Variants in GPC5 observed in about 807,000 individuals in gnomAD.
The protein encoded by GPC5 is glypican 5.
Under a neutral mutation model 53.9 loss-of-function variants are expected in GPC5, and 47 were observed. That is an observed-to-expected ratio of 0.87 (90% CI 0.69 to 1.11). The LOEUF (loss-of-function observed/expected upper bound fraction) is 1.11. Ranked by LOEUF, GPC5 falls within the 50% of genes most tolerant of loss-of-function variation. The probability of loss-of-function intolerance (pLI) is 0.00; values close to 1 mark genes in which losing one functional copy is unlikely to be tolerated. For synonymous variants in GPC5, 286 were observed against 263.3 expected, an observed-to-expected ratio of 1.09 and a Z score of -0.84; for missense variants, 748 against 713.1, an observed-to-expected ratio of 1.05 and a Z score of -0.56.
At chr13:91,760,394 T>C (rs2037385146) in intron 5 of GPC5, among the ~76,000 whole-genome samples, 1 of 152,184 alleles carries the variant, frequency 6.6e-6, no homozygotes, top group Admixed American at 6.5e-5. Flanking sequence ...ACATGTGAGA[T>C]TCATTTCAGA....
chr13:92,159,593 CTTT>C (rs71120074), intron 7 of GPC5, among the ~76,000 whole-genome samples: 18 of 57,214 alleles, frequency 3.1e-4, no homozygotes, highest in African/African-American at 8.4e-4. Context: ...TACCAATGTT[CTTT>C]TTTTTTTTTT....
Position 91,689,593 on chromosome 13 carries a change from A to AAAT in GPC5, c.326-3593_326-3592insATA, listed in dbSNP as rs138190452. On this transcript the variant is annotated intron_variant, in intron 2 of 7. Coordinates refer to ENST00000377067, the MANE Select transcript of GPC5 (RefSeq NM_004466.6). ...TGTTTTCTTTATATCCTCACTCTAT[A>AAAT]AGCTTTTTTTTTCTATTTTTAAATA... 4.7e-3 allele frequency among the ~76,000 whole-genome samples: 713 copies of AAAT among 151,278 alleles called. 10 individuals carry two copies. The highest frequency in any genetic ancestry group is 0.016 in the African/African-American group (680 of 41,422).
intron 7 of GPC5, among the ~76,000 whole-genome samples, chr13:92,274,465 T>A (rs986188845): frequency 4.6e-5 from 7 of 152,166 alleles, no homozygotes; most frequent in Non-Finnish European, 8.8e-5. Flanking sequence ...TACTTATTGT[T>A]TAAATATCAG....
intron 7 of GPC5, among the ~76,000 whole-genome samples, chr13:92,506,960 C>T (rs1880391776): frequency 6.6e-6 from 1 of 152,152 alleles, no homozygotes; most frequent in Admixed American, 6.5e-5. Context: ...TAGTCTGTGC[C>T]TCTGTCTACA....
At chr13:91,866,223 A>T (rs867008589) in intron 5 of GPC5, among the ~76,000 whole-genome samples, 1 of 152,208 alleles carries the variant, frequency 6.6e-6, no homozygotes, top group Non-Finnish European at 1.5e-5. Flanking sequence ...AAAGGTATAA[A>T]TGTCTCAAAT....
At chr13:92,373,646 A>C (rs2043669038) in intron 7 of GPC5, among the ~76,000 whole-genome samples, 1 of 152,220 alleles carries the variant, frequency 6.6e-6, no homozygotes, top group Non-Finnish European at 1.5e-5. Flanking sequence ...TATCCCTGAT[A>C]ATATTCTGTT....
At chr13:92,384,645 G>C (rs1378139643) in intron 7 of GPC5, among the ~76,000 whole-genome samples, 16 of 151,966 alleles carry the variant, frequency 1.1e-4, no homozygotes, top group Non-Finnish European at 1.5e-5. Context: ...CCTTGAGATT[G>C]GAGGGGAATA....
intron 6 of GPC5, among the ~76,000 whole-genome samples, chr13:92,098,712 C>T (rs2041441089): frequency 6.6e-6 from 1 of 152,104 alleles, no homozygotes; most frequent in Non-Finnish European, 1.5e-5. Context: ...CAACATTAGT[C>T]TATCTTATCC....
chr13:92,462,591 A>G (rs985421390), intron 7 of GPC5, among the ~76,000 whole-genome samples: 1 of 152,200 alleles, frequency 6.6e-6, no homozygotes, highest in Non-Finnish European at 1.5e-5. Context: ...AATTGAATCT[A>G]TGAGTGGAGC....
At chr13:92,857,497 A>G (rs1879038988) in intron 7 of GPC5, among the ~76,000 whole-genome samples, 1 of 152,192 alleles carries the variant, frequency 6.6e-6, no homozygotes, top group African/African-American at 2.4e-5. Context: ...GAGCTTCTGT[A>G]CAGCAAAAGA....
intron 7 of GPC5, among the ~76,000 whole-genome samples, chr13:92,273,985 C>T (rs544229341): frequency 1.0e-3 from 152 of 152,266 alleles, no homozygotes; most frequent in African/African-American, 3.2e-3. Context: ...AGAGTATGCT[C>T]TTTAATTGAC....
chr13:92,131,809 A>C (rs2041745952), intron 6 of GPC5, among the ~76,000 whole-genome samples: 1 of 152,026 alleles, frequency 6.6e-6, no homozygotes, highest in Non-Finnish European at 1.5e-5. Flanking sequence ...GAGTATACTT[A>C]AGATCTGTAT....
chr13:92,111,828 C>T (rs2041559516), intron 6 of GPC5, among the ~76,000 whole-genome samples: 1 of 152,112 alleles, frequency 6.6e-6, no homozygotes, highest in African/African-American at 2.4e-5. Context: ...CTTGTCCAGC[C>T]AACAAAATCC....
chr13:91,917,760 C>A (rs1050015162), intron 6 of GPC5, among the ~76,000 whole-genome samples: 11 of 152,206 alleles, frequency 7.2e-5, no homozygotes, highest in Non-Finnish European at 1.5e-4. Context: ...AGTTCCTCAT[C>A]TCCACATGAG....
intron 2 of GPC5, among the ~76,000 whole-genome samples, chr13:91,580,839 C>G (rs1432545039): frequency 6.6e-6 from 1 of 152,110 alleles, no homozygotes; most frequent in Non-Finnish European, 1.5e-5. Flanking sequence ...ATGTATTAGT[C>G]CATTTTCACA....
At chr13:92,144,628 A>G (rs2041853251) in intron 6 of GPC5, among the ~76,000 whole-genome samples, 1 of 152,202 alleles carries the variant, frequency 6.6e-6, no homozygotes, top group Non-Finnish European at 1.5e-5. Context: ...TAATACATAG[A>G]GTGTAGCTCT....
At chr13:92,133,790 G>T (rs1214946152) in intron 6 of GPC5, among the ~76,000 whole-genome samples, 1 of 152,074 alleles carries the variant, frequency 6.6e-6, no homozygotes, top group African/African-American at 2.4e-5. Flanking sequence ...AAGCGAAAAG[G>T]CAAGGGAAAA....
intron 6 of GPC5, among the ~76,000 whole-genome samples, chr13:92,040,843 T>C (rs1594739657): frequency 6.6e-6 from 1 of 152,310 alleles, no homozygotes; most frequent in South Asian, 2.1e-4. Flanking sequence ...GCTGCAGGAA[T>C]TTAACTCTTA....
intron 6 of GPC5, among the ~76,000 whole-genome samples, chr13:92,023,694 ACTCTCT>A (rs5805724): frequency 0.16 from 23,447 of 147,676 alleles, 2,018 homozygotes; most frequent in Admixed American, 0.19. Flanking sequence ...ACACACACAC[ACTCTCT>A]CTCTCTCTTA....
Sources: gnomAD v4.1 joint callset for allele counts (sites outside exome capture counted in the v4.1 genomes callset) on GRCh38, gnomAD v4.1.1 for gene constraint, MANE v1.5 for transcripts, NCBI Gene and HGNC (gene_info 2026-07-23, HGNC 2026-07-21) for gene names.